Variants in DISC1 observed in about 807,000 individuals in gnomAD.
DISC1 encodes the protein DISC1 scaffold protein.
In DISC1, 57 loss-of-function variants were observed where a neutral mutation model predicts 84.5. The observed-to-expected ratio is 0.67, with a 90% CI of 0.55 to 0.84. The LOEUF (loss-of-function observed/expected upper bound fraction) is 0.84, where lower values mean the gene tolerates loss of function less well. Among genes scored for constraint, DISC1 ranks in the 40% least tolerant of loss-of-function variants. The pLI is 0.00. For missense variants in DISC1, 1,000 were observed against 1,057.8 expected, an observed-to-expected ratio of 0.95 and a Z score of 0.76; for synonymous variants, 411 against 415.2, an observed-to-expected ratio of 0.99 and a Z score of 0.12.
intron 1 of DISC1, among the ~76,000 whole-genome samples, chr1:231,660,273 G>T (rs183218736): frequency 2.5e-4 from 38 of 151,956 alleles, no homozygotes; most frequent in Non-Finnish European, 4.9e-4. Context: ...GTCTTGTTTT[G>T]TCAGAAATTA....
chr1:231,980,173 T>C (rs922169011), intron 10 of DISC1, among the ~76,000 whole-genome samples: 1 of 152,218 alleles, frequency 6.6e-6, no homozygotes, highest in African/African-American at 2.4e-5. Flanking sequence ...TCTACTGCTT[T>C]TTAATAATTT....
chr1:231,958,430 C>G (rs1659894116), intron 9 of DISC1, among the ~76,000 whole-genome samples: 1 of 152,192 alleles, frequency 6.6e-6, no homozygotes, highest in Non-Finnish European at 1.5e-5. Context: ...TCTTCTGGTT[C>G]ATCTGTAGGA....
At chr1:231,761,945 G>A (rs1344543072) in intron 4 of DISC1, among the ~76,000 whole-genome samples, 1 of 151,874 alleles carries the variant, frequency 6.6e-6, no homozygotes, top group Non-Finnish European at 1.5e-5. Context: ...CTGCAAACAG[G>A]CTGAGACTCT....
At chr1:231,723,617 T>A (rs1296807445) in intron 3 of DISC1, 3 of 985,368 alleles carry the variant, frequency 3.0e-6, no homozygotes, top group Non-Finnish European at 3.6e-6. Context: ...TTCTGTCTTA[T>A]AACAGTCTGC....
At chr1:231,832,674 G>T (rs2082326776) in intron 9 of DISC1, among the ~76,000 whole-genome samples, 1 of 147,122 alleles carries the variant, frequency 6.8e-6, no homozygotes, top group African/African-American at 2.5e-5. Flanking sequence ...CAAAGGGATA[G>T]TAAAGAAAGC....
At chr1:231,906,715 C>T (rs1377902391) in intron 9 of DISC1, among the ~76,000 whole-genome samples, 1 of 151,984 alleles carries the variant, frequency 6.6e-6, no homozygotes, top group East Asian at 1.9e-4. Context: ...CCTTATTGCT[C>T]CACCGTGCTT....
At chr1:231,708,691 G>C (rs111370181) in intron 3 of DISC1, among the ~76,000 whole-genome samples, 28 of 152,264 alleles carry the variant, frequency 1.8e-4, no homozygotes, top group African/African-American at 6.5e-4. Flanking sequence ...CTGTCAATTT[G>C]TCTCCCATCC....
chr1:231,704,255 G>A (rs1472525664), intron 3 of DISC1, among the ~76,000 whole-genome samples: 1 of 152,188 alleles, frequency 6.6e-6, no homozygotes, highest in Admixed American at 6.5e-5. Flanking sequence ...TAGAGTGAAT[G>A]AGGGGAAAGC....
At position 231,818,311 on chromosome 1, in the gene DISC1, T is replaced by C. The variant is rs1224182358; in HGVS notation, c.1793-18T>C. 6.2e-7 allele frequency: 1 copy of C among 1,613,054 alleles called. No individual in the cohort carries two copies. ...GTAAAGCTTGTTTTCCCTTCTTCTC[T>C]CCCACAACGTGCTGTAGGAAACCAT... is the stretch of plus-strand genomic sequence containing the variant. On this transcript the variant is annotated intron_variant, in intron 8 of 12. Transcript: ENST00000439617.
At chr1:231,759,841 A>G (rs569778974) in intron 4 of DISC1, among the ~76,000 whole-genome samples, 1 of 152,368 alleles carries the variant, frequency 6.6e-6, no homozygotes, top group African/African-American at 2.4e-5. Context: ...CCAGACCCTT[A>G]GTCATGGCCT....
At chr1:231,701,298 A>T (rs1448203387) in intron 2 of DISC1, among the ~76,000 whole-genome samples, 1 of 152,164 alleles carries the variant, frequency 6.6e-6, no homozygotes. Context: ...GACATGCGGG[A>T]ATTATGGGAG....
At chr1:232,007,837 A>G (rs1667643363) in intron 10 of DISC1, among the ~76,000 whole-genome samples, 1 of 152,208 alleles carries the variant, frequency 6.6e-6, no homozygotes, top group Admixed American at 6.5e-5. Flanking sequence ...TGTAATCCCC[A>G]TAATCCCCAA....
intron 9 of DISC1, among the ~76,000 whole-genome samples, chr1:231,874,934 A>G (rs2085761494): frequency 6.6e-6 from 1 of 151,732 alleles, no homozygotes; most frequent in Admixed American, 6.6e-5. Context: ...AAAAAAAAAA[A>G]AGAATACCAT....
rs77819467 is a variant in DISC1, at chr1:232,031,708, G to T, written c.2426-4984G>T. The stretch of plus-strand genomic sequence containing the variant: ...AGGGCAAGGGCGTAGACACAGGGCT[G>T]TCCTGCTGCTGGCTGAGCACGAGGT... On this transcript the variant is annotated intron_variant, in intron 12 of 12. Transcript: ENST00000439617. This position sits in a 1 kb window ranked among gnomAD's most constrained non-coding sequence, Gnocchi z 4.6. 0.024 allele frequency among the ~76,000 whole-genome samples: 3,702 copies of T among 152,244 alleles called. 158 individuals are homozygous for T. Among genetic ancestry groups the T allele is most frequent in the African/African-American group, 0.078 (3,260 of 41,538 alleles).
Position 232,029,431 on chromosome 1 carries a change from T to C in DISC1, c.2425+2879T>C, listed in dbSNP as rs1669790304. 2.0e-5 allele frequency among the ~76,000 whole-genome samples: 3 copies of C among 152,230 alleles called. No individual in the cohort carries two copies. The South Asian group carries it at 6.2e-4, about 31-fold the overall frequency. On this transcript the variant is annotated intron_variant, in intron 12 of 12. Coordinates refer to ENST00000439617, the MANE Select transcript of DISC1 (RefSeq NM_018662.3). ...ACAAACCAAAGCCGTTGTTTCAAAT[T>C]AGAGCTTATCTAGAGATTCAGAGAG...
At position 231,698,330 on chromosome 1, in the gene DISC1, A is replaced by G. The variant is rs2065969977; in HGVS notation, c.1047+3525A>G. Among the ~76,000 whole-genome samples, 1 of 152,206 alleles carries G rather than the reference A, an allele frequency of 6.6e-6. No homozygotes were observed. Among genetic ancestry groups the G allele is most frequent in the Non-Finnish European group, 1.5e-5 (1 of 68,042 alleles). On this transcript the variant is annotated intron_variant, in intron 2 of 12. Coordinates refer to ENST00000439617, the MANE Select transcript of DISC1 (RefSeq NM_018662.3). The surrounding 1 kb of genome is among the most constrained non-coding windows in gnomAD (Gnocchi z 4.9). ...TGTGAATATTTTATGCTGTTTAGAA[A>G]TCGCTGCTTAGCGAGATTTCCAGGG... is the stretch of plus-strand genomic sequence containing the variant.
rs1315128362 is a variant in DISC1 at position 231,806,837 on chromosome 1, G to A, written c.1792+6627G>A. On this transcript the variant is annotated intron_variant, in intron 8 of 12. Coordinates refer to ENST00000439617, the MANE Select transcript of DISC1 (RefSeq NM_018662.3). ...TTTGGCCCTGGCCCTGGGGCAGAGC[G>A]AAGGGAAAGCGTCAGTGCCCTCTAG... Among the ~76,000 whole-genome samples the A allele has an allele frequency of 2.6e-5, 4 of 152,368 alleles. No individual in the cohort carries two copies. The East Asian group carries it at 7.7e-4, about 29-fold the overall frequency.
intron 3 of DISC1, among the ~76,000 whole-genome samples, chr1:231,744,226 G>A (rs142320865): frequency 3.3e-4 from 50 of 152,290 alleles, no homozygotes; most frequent in African/African-American, 1.2e-3. Context: ...TAAGTAGTAA[G>A]TGCTCATGGC....
At chr1:231,862,566 C>T (rs974478647) in intron 9 of DISC1, among the ~76,000 whole-genome samples, 4 of 152,084 alleles carry the variant, frequency 2.6e-5, no homozygotes. Flanking sequence ...TATTTTGTTA[C>T]TTAAGGGTGG....
Sources: gnomAD v4.1 joint callset for allele counts (sites outside exome capture counted in the v4.1 genomes callset) on GRCh38, gnomAD v4.1.1 for gene constraint, Gnocchi (gnomAD v3.1) non-coding constraint, MANE v1.5 for transcripts, NCBI Gene and HGNC (gene_info 2026-07-23, HGNC 2026-07-21) for gene names.